The following CLVS1 variants were observed in gnomAD, a reference collection of about 807,000 sequenced individuals.
The protein encoded by CLVS1 is clavesin 1, also known as clavesin-1.
In CLVS1, 10 loss-of-function variants were observed where a neutral mutation model predicts 33.1. That is an observed-to-expected ratio of 0.30 (90% CI 0.19 to 0.51). The LOEUF (loss-of-function observed/expected upper bound fraction) is 0.51. CLVS1 is among the 20% of genes least tolerant of loss of function. The pLI, the probability that CLVS1 is intolerant of heterozygous loss-of-function variation, is 0.97. For missense variants in CLVS1, 343 were observed against 433.4 expected, an observed-to-expected ratio of 0.79 and a Z score of 1.85; for synonymous variants, 163 against 166.1, an observed-to-expected ratio of 0.98 and a Z score of 0.14.
At chr8:61,437,763 A>G (rs745353326) in intron 3 of CLVS1, among the ~76,000 whole-genome samples, 38 of 152,228 alleles carry the variant, frequency 2.5e-4, no homozygotes, top group Admixed American at 6.5e-5. Flanking sequence ...CAAGAATAGG[A>G]ATTTTAACTT....
chr8:61,273,747 C>T (rs749036300), intron 2 of CLVS1, among the ~76,000 whole-genome samples: 3 of 152,206 alleles, frequency 2.0e-5, no homozygotes, highest in African/African-American at 7.2e-5. Context: ...GGGAGTGACC[C>T]GATTTTCCAG....
chr8:61,387,512 C>G (rs1217474882), intron 3 of CLVS1, among the ~76,000 whole-genome samples: 1 of 105,794 alleles, frequency 9.5e-6, no homozygotes, highest in African/African-American at 3.4e-5. Context: ...TTTTGGGGAA[C>G]AAGTGGTGTT....
chr8:61,239,921 A>T (rs1012339145), intron 2 of CLVS1, among the ~76,000 whole-genome samples: 27 of 152,298 alleles, frequency 1.8e-4, no homozygotes, highest in African/African-American at 6.0e-4. Context: ...GGTGGGTACC[A>T]TGCCCTGGGT....
chr8:61,267,790 T>G (rs546792790), intron 2 of CLVS1, among the ~76,000 whole-genome samples: 1 of 152,356 alleles, frequency 6.6e-6, no homozygotes, highest in South Asian at 2.1e-4. Flanking sequence ...GCAGTTAGCA[T>G]GATTATGTTT....
intron 3 of CLVS1, among the ~76,000 whole-genome samples, chr8:61,412,926 C>T (rs1299456865): frequency 6.6e-6 from 1 of 152,196 alleles, no homozygotes; most frequent in Non-Finnish European, 1.5e-5. Context: ...CTTCATTCTC[C>T]TTTGATTATA....
chr8:61,478,621 C>G (rs1200718353), intron 5 of CLVS1, among the ~76,000 whole-genome samples: 1 of 152,138 alleles, frequency 6.6e-6, no homozygotes, highest in Non-Finnish European at 1.5e-5. Context: ...TCTGTTTTAT[C>G]AGAGACTAGG....
intron 2 of CLVS1, among the ~76,000 whole-genome samples, chr8:61,335,584 TC>T (rs1811771144): frequency 6.6e-6 from 1 of 152,250 alleles, no homozygotes. Context: ...TGAGAGATTT[TC>T]CTCCTTAGGG....
At chr8:60,974,735 C>T in the CLVS1 span, among the ~76,000 whole-genome samples, 7 of 150,760 alleles carry the variant, frequency 4.6e-5, no homozygotes, top group East Asian at 5.8e-4. Context: ...GCCGAGATCA[C>T]GCCACTGCAC....
intron 1 of CLVS1, among the ~76,000 whole-genome samples, chr8:61,295,927 C>G (rs986883688): frequency 8.5e-5 from 13 of 152,090 alleles, no homozygotes; most frequent in Admixed American, 5.2e-4. Context: ...ATAATAAGCA[C>G]TATTATTATT....
chr8:61,268,447 T>C (rs1185041735), intron 2 of CLVS1, among the ~76,000 whole-genome samples: 2 of 151,628 alleles, frequency 1.3e-5, no homozygotes, highest in African/African-American at 4.9e-5. Flanking sequence ...TCCAAGTCTT[T>C]GCTATGGTGA....
chr8:61,212,499 GAC>G (rs1018969084), intron 2 of CLVS1, among the ~76,000 whole-genome samples: 12 of 152,264 alleles, frequency 7.9e-5, no homozygotes, highest in African/African-American at 2.9e-4. Context: ...AGATCCTGAC[GAC>G]ACAGAGGAGC....
At chr8:61,051,380 G>T in the CLVS1 span, among the ~76,000 whole-genome samples, 1 of 152,246 alleles carries the variant, frequency 6.6e-6, no homozygotes, top group African/African-American at 2.4e-5. Context: ...TAGAAAAATT[G>T]CTTCGGGTGT....
chr8:61,237,265 C>T (rs1040064283), intron 2 of CLVS1, among the ~76,000 whole-genome samples: 1 of 151,964 alleles, frequency 6.6e-6, no homozygotes, highest in East Asian at 1.9e-4. Flanking sequence ...GTTGGTAGTG[C>T]CTGTAAGGGC....
At chr8:61,473,893 A>C (rs1191775056) in intron 5 of CLVS1, among the ~76,000 whole-genome samples, 1 of 152,176 alleles carries the variant, frequency 6.6e-6, no homozygotes, top group African/African-American at 2.4e-5. Context: ...AGTGTTGGAC[A>C]TGATTAATGA....
the CLVS1 span, among the ~76,000 whole-genome samples, chr8:60,998,090 G>A: frequency 6.6e-6 from 1 of 152,140 alleles, no homozygotes; most frequent in African/African-American, 2.4e-5. Context: ...CAGAAGAAAG[G>A]AACCCATGTG....
chr8:60,969,395 C>T, the CLVS1 span, among the ~76,000 whole-genome samples: 1 of 152,158 alleles, frequency 6.6e-6, no homozygotes, highest in Admixed American at 6.5e-5. Context: ...TGACTTAACC[C>T]TTGCCTAGCA....
At chr8:61,366,018 A>C (rs1209618932) in intron 2 of CLVS1, among the ~76,000 whole-genome samples, 1 of 152,234 alleles carries the variant, frequency 6.6e-6, no homozygotes, top group East Asian at 1.9e-4. Flanking sequence ...ACTTTTCTGC[A>C]GATCCTCAGC....
intron 1 of CLVS1, among the ~76,000 whole-genome samples, chr8:61,119,274 G>A (rs907995192): frequency 1.1e-4 from 17 of 151,860 alleles, no homozygotes; most frequent in African/African-American, 9.7e-5. Context: ...GTCTCTGCAC[G>A]TGAGATGGGT....
chr8:61,411,491 G>C (rs1470975456), intron 3 of CLVS1, among the ~76,000 whole-genome samples: 1 of 151,996 alleles, frequency 6.6e-6, no homozygotes, highest in African/African-American at 2.4e-5. Context: ...GAGAGAAGGG[G>C]GATAAGATAG....
Sources: gnomAD v4.1 joint callset for allele counts (sites outside exome capture counted in the v4.1 genomes callset) on GRCh38, gnomAD v4.1.1 for gene constraint, MANE v1.5 for transcripts, NCBI Gene and HGNC (gene_info 2026-07-23, HGNC 2026-07-21) for gene names.